The following NEK1 variants were observed in gnomAD, a reference collection of about 807,000 sequenced individuals.
NEK1 encodes the protein serine/threonine-protein kinase Nek1.
A neutral mutation model predicts 182.1 loss-of-function variants in NEK1; 137 were observed. That is an observed-to-expected ratio of 0.75 (90% confidence interval 0.65 to 0.87). The LOEUF (loss-of-function observed/expected upper bound fraction) is 0.87, where lower values mean the gene tolerates loss of function less well. Among genes scored for constraint, NEK1 ranks in the 40% least tolerant of loss-of-function variants. The probability of loss-of-function intolerance (pLI) is 0.00; values close to 1 mark genes in which losing one functional copy is unlikely to be tolerated. For missense variants in NEK1, 1,391 were observed against 1,494.4 expected, an observed-to-expected ratio of 0.93 and a Z score of 1.14; for synonymous variants, 513 against 492.2, an observed-to-expected ratio of 1.04 and a Z score of -0.56.
In NEK1 at chr4:169,590,749, G is replaced by T; in HGVS notation, c.373C>A (p.Leu125Ile). Reference sequence around the variant, plus strand: ...ACCTGAGATTTAATGTCTCGATGAAGAATTTTTCTATCATGTACATGTTTC... The same window carrying T: ...ACCTGAGATTTAATGTCTCGATGAATAATTTTTCTATCATGTACATGTTTC... ...ALKHVHDRKI[L>I]HRDIKSQNIF... The change falls in exon 6 of 36, where the codon CTT (leucine) becomes ATT (isoleucine). Residue 125 changes from leucine (L) to isoleucine (I), a missense_variant. Physicochemically the swap from Leu to Ile is conservative, Grantham distance 5. Transcript: ENST00000507142. 1 of 1,595,968 alleles carries T rather than the reference G, an allele frequency of 6.3e-7. No homozygotes were observed. The highest frequency in any genetic ancestry group is 8.5e-7 in the Non-Finnish European group (1 of 1,170,026).
chr4:169,551,956 A>G (rs929937743), intron 18 of NEK1, among the ~76,000 whole-genome samples: 1 of 152,124 alleles, frequency 6.6e-6, no homozygotes, highest in African/African-American at 2.4e-5. Context: ...ATACGTGAAA[A>G]TTCTTGAATA....
chr4:169,426,359 T>C (rs1736391737), intron 29 of NEK1, 125 bp from the exon 30 acceptor site: 5 of 718,892 alleles, frequency 7.0e-6, no homozygotes, highest in Non-Finnish European at 1.2e-5. Context: ...TCCAAGTATT[T>C]TTCTCACTTT....
chr4:169,507,364 T>A (rs1753480654), intron 22 of NEK1, among the ~76,000 whole-genome samples: 1 of 152,168 alleles, frequency 6.6e-6, no homozygotes, highest in Non-Finnish European at 1.5e-5. Context: ...AAGGCAGGTA[T>A]ATTTGAATGT....
chr4:169,425,711 T>G (rs1182285189), intron 30 of NEK1, among the ~76,000 whole-genome samples: 1 of 151,660 alleles, frequency 6.6e-6, no homozygotes, highest in Non-Finnish European at 1.5e-5. Context: ...AGAGATGGAG[T>G]AGCGCTATGT....
At chr4:169,527,870 G>A (rs1757114412) in intron 19 of NEK1, among the ~76,000 whole-genome samples, 2 of 151,824 alleles carry the variant, frequency 1.3e-5, no homozygotes, top group South Asian at 4.2e-4. Context: ...ACACACCAAT[G>A]AAAAGATAGG....
At position 169,508,259 on chromosome 4, in the gene NEK1, G is replaced by T; in HGVS notation, c.1822C>A (p.Arg608Ser). 1 of 1,588,102 alleles carries T rather than the reference G, an allele frequency of 6.3e-7. No homozygotes were observed. ...NERQQIKAKL[R>S]GEKKEANHSE... ...GCTTTTCAACCTACCTTTTCACCAC[G>T]AAGTTTGGCTTTAATCTGTTGGCGC... is the stretch of plus-strand genomic sequence containing the variant. Residue 608 changes from arginine (R) to serine (S), a missense_variant, in exon 21 of 36, where the codon CGT becomes AGT. Physicochemically the swap from Arg to Ser is moderately radical, Grantham distance 110. Coordinates refer to ENST00000507142, the MANE Select transcript of NEK1 (RefSeq NM_001199397.3).
intron 10 of NEK1, among the ~76,000 whole-genome samples, chr4:169,584,253 T>A (rs1358554293): frequency 6.6e-6 from 1 of 152,192 alleles, no homozygotes; most frequent in East Asian, 1.9e-4. Flanking sequence ...TATACCTACA[T>A]ATAAATGGTT....
intron 2 of NEK1, among the ~76,000 whole-genome samples, chr4:169,603,297 A>G (rs1253537773): frequency 6.6e-6 from 1 of 152,140 alleles, no homozygotes; most frequent in Non-Finnish European, 1.5e-5. Context: ...TATTTCTTGT[A>G]TTTAGGGAGA....
intron 6 of NEK1, 146 bp downstream of exon 6, chr4:169,590,580 C>T: frequency 1.8e-6 from 1 of 542,978 alleles, no homozygotes; most frequent in Non-Finnish European, 3.3e-6. Context: ...AGATCTAATA[C>T]AGGATGCAGA....
chr4:169,476,591 TCAGACTTGCC>T (rs1369353464), intron 26 of NEK1, among the ~76,000 whole-genome samples: 1 of 152,112 alleles, frequency 6.6e-6, no homozygotes, highest in Non-Finnish European at 1.5e-5. Context: ...TTGTTGATGG[TCAGACTTGCC>T]CTTCTAGAAT....
chr4:169,415,400 A>G (rs147228453), intron 31 of NEK1, among the ~76,000 whole-genome samples: 1 of 152,232 alleles, frequency 6.6e-6, no homozygotes, highest in Non-Finnish European at 1.5e-5. Context: ...CAGAGGGAAG[A>G]AGCAAGGAAA....
chr4:169,585,637 C>A, intron 9 of NEK1, 88 bp from the exon 10 acceptor site: 1 of 823,510 alleles, frequency 1.2e-6, no homozygotes, highest in Non-Finnish European at 1.9e-6. Context: ...CTTTTCCTAC[C>A]AATATAGAAT....
chr4:169,423,306 T>C (rs747728547), intron 31 of NEK1, among the ~76,000 whole-genome samples: 1 of 152,150 alleles, frequency 6.6e-6, no homozygotes, highest in Non-Finnish European at 1.5e-5. Context: ...TTTTGCCATG[T>C]TGGCCAGGCT....
intron 35 of NEK1, among the ~76,000 whole-genome samples, chr4:169,398,753 C>CT (rs1180578378): frequency 6.6e-6 from 1 of 151,986 alleles, no homozygotes; most frequent in African/African-American, 2.4e-5. Flanking sequence ...CAATCTTAGA[C>CT]TTTTTTGTAT....
At chr4:169,596,777 A>G (rs1769566534) in intron 5 of NEK1, among the ~76,000 whole-genome samples, 1 of 152,218 alleles carries the variant, frequency 6.6e-6, no homozygotes, top group African/African-American at 2.4e-5. Context: ...AAGTAGTTTA[A>G]ATGACCTCTT....
intron 23 of NEK1, among the ~76,000 whole-genome samples, chr4:169,501,094 G>T (rs1015034981): frequency 6.6e-6 from 1 of 152,114 alleles, no homozygotes; most frequent in African/African-American, 2.4e-5. Flanking sequence ...AAAGATCAGG[G>T]CTTGCTACTC....
intron 18 of NEK1, among the ~76,000 whole-genome samples, chr4:169,545,061 T>TC (rs1412408652): frequency 6.6e-6 from 1 of 151,466 alleles, no homozygotes; most frequent in Non-Finnish European, 1.5e-5. Flanking sequence ...TTCTTTTTTT[T>TC]TTTTTTTATA....
chr4:169,471,342 G>A (rs1363777682), intron 26 of NEK1, among the ~76,000 whole-genome samples: 2 of 152,056 alleles, frequency 1.3e-5, no homozygotes, highest in Non-Finnish European at 2.9e-5. Context: ...TGATGCTATT[G>A]CTTTCTGGTT....
At chr4:169,404,817 C>A (rs1183480285) in intron 32 of NEK1, among the ~76,000 whole-genome samples, 2 of 151,742 alleles carry the variant, frequency 1.3e-5, no homozygotes, top group East Asian at 1.9e-4. Context: ...TTTTAGGGTA[C>A]ATGTGCACAA....
Sources: allele counts gnomAD v4.1 joint callset (sites outside exome capture counted in the v4.1 genomes callset), GRCh38; gene constraint gnomAD v4.1.1; transcripts MANE v1.5; gene names NCBI Gene and HGNC (gene_info 2026-07-23, HGNC 2026-07-21).